Variants in HHAT observed in about 807,000 individuals in gnomAD.
HHAT encodes the protein protein-cysteine N-palmitoyltransferase HHAT.
HHAT carries 47 observed loss-of-function variants against 70.8 expected under a neutral mutation model. The ratio of observed to expected loss-of-function variants is 0.66; its 90% confidence interval spans 0.53 to 0.85. HHAT has a LOEUF of 0.85. HHAT is among the 40% of genes least tolerant of loss of function. HHAT has a pLI of 0.00. For missense variants in HHAT, 609 were observed against 604.8 expected, an observed-to-expected ratio of 1.01 and a Z score of -0.07; for synonymous variants, 228 against 247.6, an observed-to-expected ratio of 0.92 and a Z score of 0.74.
chr1:210,385,633 G>A (rs2090988090), intron 3 of HHAT, among the ~76,000 whole-genome samples: 2 of 152,144 alleles, frequency 1.3e-5, no homozygotes, highest in South Asian at 4.2e-4. Flanking sequence ...TGGGGTGTGG[G>A]GAGCATGTGT....
rs1220135824 is a variant in HHAT at position 210,420,561 on chromosome 1, G to A, written c.856+2236G>A. 4.0e-5 allele frequency among the ~76,000 whole-genome samples: 6 copies of A among 151,818 alleles called. No individual in the cohort carries two copies. The East Asian group carries it at 7.7e-4, about 20-fold the overall frequency. The stretch of plus-strand genomic sequence containing the variant: ...ACATTTTGCCCTAATGCTAAATAAC[G>A]AGTTGATGGGTTCAGCCCACCAGCA... On this transcript the variant is annotated intron_variant, in intron 7 of 11. Coordinates refer to ENST00000261458, the MANE Select transcript of HHAT (RefSeq NM_018194.6).
intron 3 of HHAT, among the ~76,000 whole-genome samples, chr1:210,365,309 GT>G (rs4027290): frequency 3.3e-4 from 26 of 78,404 alleles, no homozygotes; most frequent in East Asian, 1.7e-3. Flanking sequence ...ACTGCTGACA[GT>G]TTTTTTTTTT....
At chr1:210,564,902 C>A (rs1325631443) in intron 9 of HHAT, among the ~76,000 whole-genome samples, 1 of 152,036 alleles carries the variant, frequency 6.6e-6, no homozygotes, top group Admixed American at 6.6e-5. Context: ...GTAGACTGCT[C>A]TTTCAAGGAC....
At chr1:210,526,965 A>G (rs868767008) in intron 9 of HHAT, among the ~76,000 whole-genome samples, 1 of 152,054 alleles carries the variant, frequency 6.6e-6, no homozygotes, top group Non-Finnish European at 1.5e-5. Context: ...CTGATACTTG[A>G]TCTTTGACCC....
At chr1:210,648,327 A>G (rs1674476883) in intron 11 of HHAT, among the ~76,000 whole-genome samples, 1 of 152,202 alleles carries the variant, frequency 6.6e-6, no homozygotes, top group South Asian at 2.1e-4. Flanking sequence ...AAAAGTAAGG[A>G]AATTGAGTGC....
At chr1:210,356,690 T>G (rs2087665068) in intron 2 of HHAT, among the ~76,000 whole-genome samples, 1 of 152,286 alleles carries the variant, frequency 6.6e-6, no homozygotes, top group Non-Finnish European at 1.5e-5. Flanking sequence ...AGATTAGTTC[T>G]TTCTTTTACA....
rs756643679 is a variant in HHAT at position 210,362,908 on chromosome 1, G to T, written c.148G>T (p.Gly50Ter). Residue 50 changes from glycine (G) to a stop codon, truncating the protein, a stop_gained, in exon 3 of 12, where the codon GGA becomes TGA. Transcript: ENST00000261458. LOFTEE classifies it high-confidence loss of function. ...FELETDTLFGGLKKDATDFEW... is the reference protein window; with the variant it reads ...FELETDTLFG Reference sequence around the variant, plus strand: ...GCTGGAGACTGACACTTTATTTGGAGGATTAAAGAAGGTACAAAGTGGATG... The same window carrying T: ...GCTGGAGACTGACACTTTATTTGGATGATTAAAGAAGGTACAAAGTGGATG... The T allele has an allele frequency of 6.2e-7, 1 of 1,611,996 alleles. No homozygotes were observed. Among genetic ancestry groups the T allele is most frequent in the Admixed American group, 1.7e-5 (1 of 59,996 alleles).
At chr1:210,478,051 G>A (rs72747454) in intron 8 of HHAT, among the ~76,000 whole-genome samples, 13,950 of 152,102 alleles carry the variant, frequency 0.092, 687 homozygotes, top group South Asian at 0.12. Flanking sequence ...TGGTTTTAAT[G>A]AAAAAACTGA....
intron 1 of HHAT, among the ~76,000 whole-genome samples, chr1:210,344,992 T>C (rs1413280348): frequency 6.6e-6 from 1 of 152,196 alleles, no homozygotes; most frequent in Non-Finnish European, 1.5e-5. Context: ...CTTTGCACTT[T>C]GCTTGGAAAT....
chr1:210,541,105 T>A (rs145814728), intron 9 of HHAT, among the ~76,000 whole-genome samples: 1,784 of 152,302 alleles, frequency 0.012, 32 homozygotes, highest in African/African-American at 0.039. Context: ...CCTCTCAAAG[T>A]GCAAGGATTA....
intron 3 of HHAT, among the ~76,000 whole-genome samples, chr1:210,371,979 T>G (rs2089611282): frequency 6.6e-6 from 1 of 152,238 alleles, no homozygotes; most frequent in African/African-American, 2.4e-5. Flanking sequence ...GCTTACTGCC[T>G]GCTTTCTGAT....
At chr1:210,348,860 T>C (rs770021827) in intron 1 of HHAT, 73 bp from the exon 2 acceptor site, 35 of 1,433,398 alleles carry the variant, frequency 2.4e-5, no homozygotes, top group Non-Finnish European at 3.3e-5. Flanking sequence ...GAGTGTGAAC[T>C]AACTGAATTG....
At chr1:210,525,753 AT>A (rs570148391) in intron 9 of HHAT, among the ~76,000 whole-genome samples, 158 of 152,326 alleles carry the variant, frequency 1.0e-3, no homozygotes, top group African/African-American at 3.6e-3. Context: ...TTTAAAAAAA[AT>A]TAAAAAGAGC....
chr1:210,454,802 C>T (rs1031088784), intron 7 of HHAT, among the ~76,000 whole-genome samples: 4 of 152,084 alleles, frequency 2.6e-5, no homozygotes, highest in Non-Finnish European at 5.9e-5. Context: ...GGTTTGAGCC[C>T]GTTAAGAAGC....
At chr1:210,332,003 C>G (rs1480948125) in intron 1 of HHAT, among the ~76,000 whole-genome samples, 1 of 152,216 alleles carries the variant, frequency 6.6e-6, no homozygotes, top group Non-Finnish European at 1.5e-5. Flanking sequence ...TGCTCTATGT[C>G]CATCTCACAG....
At chr1:210,632,754 ACTT>A (rs1471151709) in intron 11 of HHAT, among the ~76,000 whole-genome samples, 5 of 152,180 alleles carry the variant, frequency 3.3e-5, no homozygotes, top group African/African-American at 7.2e-5. Context: ...TGCCTAAATA[ACTT>A]CTTCTTACTT....
chr1:210,617,201 T>C (rs1423834755), intron 10 of HHAT, among the ~76,000 whole-genome samples: 4 of 152,216 alleles, frequency 2.6e-5, no homozygotes, highest in African/African-American at 9.6e-5. Context: ...CACAGAAATA[T>C]GGAAGCCCAT....
At chr1:210,653,259 C>T (rs559866442) in intron 11 of HHAT, among the ~76,000 whole-genome samples, 1 of 152,096 alleles carries the variant, frequency 6.6e-6, no homozygotes. Flanking sequence ...AAGTCAACTA[C>T]CAGCTGGGTG....
chr1:210,599,911 C>T (rs141017315), intron 10 of HHAT, among the ~76,000 whole-genome samples: 2 of 152,106 alleles, frequency 1.3e-5, no homozygotes, highest in South Asian at 2.1e-4. Context: ...ACTCCTCCCC[C>T]CTCACCTCTC....
Sources: allele counts gnomAD v4.1 joint callset (sites outside exome capture counted in the v4.1 genomes callset), GRCh38; gene constraint gnomAD v4.1.1; transcripts MANE v1.5; gene names NCBI Gene and HGNC (gene_info 2026-07-23, HGNC 2026-07-21).